The following RAP1GDS1 variants were observed in gnomAD, a reference collection of about 807,000 sequenced individuals.
RAP1GDS1 encodes the protein RAP1, GTP-GDP dissociation stimulator 1.
A neutral mutation model predicts 71.1 loss-of-function variants in RAP1GDS1; 35 were observed. The ratio of observed to expected loss-of-function variants is 0.49; its 90% confidence interval spans 0.38 to 0.65. RAP1GDS1 has a LOEUF of 0.65. Ranked by LOEUF, RAP1GDS1 falls within the 30% of genes least tolerant of loss-of-function variation. RAP1GDS1 has a pLI of 0.00. For synonymous variants in RAP1GDS1, 229 were observed against 243.1 expected (o/e 0.94, Z 0.54); for missense variants, 663 against 706.1 (o/e 0.94, Z 0.69).
Position 98,420,151 on chromosome 4 carries a change from GA to G in RAP1GDS1, c.1300+10del, listed in dbSNP as rs763924798. ...ATGTTAATAGATGCACAAGGTAAAAGAAATGTTTTCCCCAACTTGCATTTTT... is the reference window on the plus strand; with the variant it reads ...ATGTTAATAGATGCACAAGGTAAAAGAATGTTTTCCCCAACTTGCATTTTT... On this transcript the variant is annotated splice_region_variant and intron_variant, in intron 11 of 14. Coordinates refer to ENST00000408927, the MANE Select transcript of RAP1GDS1 (RefSeq NM_001100427.2). 1.3e-6 allele frequency: 2 copies of G among 1,506,556 alleles called. No homozygotes were observed. The highest frequency in any genetic ancestry group is 1.8e-6 in the Non-Finnish European group (2 of 1,123,618). 93.3% of individuals were successfully genotyped at this position (1,506,556 alleles called of 1,614,324 possible).
chr4:98,276,339 A>G (rs79147628), intron 1 of RAP1GDS1, among the ~76,000 whole-genome samples: 9,356 of 152,226 alleles, frequency 0.061, 401 homozygotes, highest in Non-Finnish European at 0.093. Context: ...TTCCATCTAT[A>G]ACAAGTACTC....
At chr4:98,310,873 T>G (rs1338726295) in intron 2 of RAP1GDS1, among the ~76,000 whole-genome samples, 1 of 152,240 alleles carries the variant, frequency 6.6e-6, no homozygotes, top group African/African-American at 2.4e-5. Context: ...TTTTTACCTT[T>G]TTAAATATTG....
At chr4:98,293,128 A>G (rs1727210409) in intron 1 of RAP1GDS1, among the ~76,000 whole-genome samples, 1 of 152,190 alleles carries the variant, frequency 6.6e-6, no homozygotes, top group Non-Finnish European at 1.5e-5. Context: ...CAAGCTCAAT[A>G]AGTTATAAGA....
chr4:98,313,361 A>G (rs1196501032), intron 2 of RAP1GDS1, among the ~76,000 whole-genome samples: 1 of 152,234 alleles, frequency 6.6e-6, no homozygotes, highest in African/African-American at 2.4e-5. Flanking sequence ...ACACCTTCAC[A>G]GACAGAGACA....
chr4:98,371,934 T>C (rs778756857), intron 4 of RAP1GDS1, among the ~76,000 whole-genome samples: 1 of 152,184 alleles, frequency 6.6e-6, no homozygotes, highest in Non-Finnish European at 1.5e-5. Flanking sequence ...TCTGACCATC[T>C]CTCCCTTTTA....
At chr4:98,414,023 A>C (rs932405446) in intron 7 of RAP1GDS1, among the ~76,000 whole-genome samples, 1 of 152,084 alleles carries the variant, frequency 6.6e-6, no homozygotes, top group Non-Finnish European at 1.5e-5. Flanking sequence ...TCTTCTTTTG[A>C]GAAGTGTGTG....
At chr4:98,365,623 A>C (rs757526678) in intron 4 of RAP1GDS1, among the ~76,000 whole-genome samples, 4 of 152,144 alleles carry the variant, frequency 2.6e-5, no homozygotes, top group Non-Finnish European at 5.9e-5. Context: ...ACCCTGTCTC[A>C]AAAAAATAAA....
At chr4:98,437,219 T>A in intron 14 of RAP1GDS1, 151 bp downstream of exon 14, 1 of 727,152 alleles carries the variant, frequency 1.4e-6, no homozygotes, top group Non-Finnish European at 2.0e-6. Context: ...CCTATTACTG[T>A]AAACACTCAT....
intron 5 of RAP1GDS1, among the ~76,000 whole-genome samples, chr4:98,391,633 A>ATGTT (rs1183997978): frequency 6.6e-6 from 1 of 152,204 alleles, no homozygotes; most frequent in South Asian, 2.1e-4. Context: ...ACTAATGGTA[A>ATGTT]TGTTTGTTTA....
chr4:98,433,829 TACAGG>T lies in RAP1GDS1; in HGVS notation c.1441-103_1441-99del, dbSNP rs534616169. ...AACTATGATTAAATCAAATGATTCA[TACAGG>T]ACACTGTCGCAAAACCACTCAACAA... On this transcript the variant is annotated intron_variant, in intron 12 of 14. Coordinates refer to ENST00000408927, the MANE Select transcript of RAP1GDS1 (RefSeq NM_001100427.2). 208 of 1,048,622 alleles carry T rather than the reference TACAGG, an allele frequency of 2.0e-4. 1 individual carries two copies. The South Asian group carries it at 3.5e-3, about 18-fold the overall frequency. The allele number at this position is 1,048,622 out of a possible 1,614,324, so 65.0% of individuals were successfully genotyped here.
Position 98,442,205 on chromosome 4 carries a change from C to T in RAP1GDS1, c.*88C>T. 1 of 1,509,058 alleles carries T rather than the reference C, an allele frequency of 6.6e-7. No homozygotes were observed. The highest frequency in any genetic ancestry group is 2.3e-5 in the East Asian group (1 of 44,038). 93.5% of individuals were successfully genotyped at this position (1,509,058 alleles called of 1,614,324 possible). A position where few individuals can be genotyped will look rare whatever the true frequency, so the allele number is the denominator to read the frequency against. The stretch of plus-strand genomic sequence containing the variant: ...TTCTTCCGCTTCATTCTCTACCATA[C>T]CACTTGTGCATGCATGTGATGTTCT... On this transcript the variant is annotated 3_prime_UTR_variant, in exon 15 of 15. Transcript: ENST00000408927.
intron 3 of RAP1GDS1, among the ~76,000 whole-genome samples, chr4:98,347,002 C>G (rs1404972236): frequency 6.6e-6 from 1 of 152,074 alleles, no homozygotes; most frequent in Non-Finnish European, 1.5e-5. Context: ...AGAGTTAATA[C>G]AGGGAAGTTA....
At chr4:98,373,052 T>G (rs563679449) in intron 4 of RAP1GDS1, among the ~76,000 whole-genome samples, 1 of 152,354 alleles carries the variant, frequency 6.6e-6, no homozygotes, top group African/African-American at 2.4e-5. Flanking sequence ...TTAACATACT[T>G]TTATCATTTT....
intron 2 of RAP1GDS1, among the ~76,000 whole-genome samples, chr4:98,335,021 G>A (rs1387086425): frequency 1.3e-5 from 2 of 151,664 alleles, no homozygotes; most frequent in African/African-American, 4.8e-5. Context: ...AATAATGACT[G>A]TTTGAGCTCT....
chr4:98,377,509 A>G (rs1038052140), intron 4 of RAP1GDS1, among the ~76,000 whole-genome samples: 1 of 151,852 alleles, frequency 6.6e-6, no homozygotes, highest in South Asian at 2.1e-4. Flanking sequence ...CCTGTTTTCC[A>G]TCTTTATAAC....
intron 2 of RAP1GDS1, among the ~76,000 whole-genome samples, chr4:98,336,662 C>T (rs1021465261): frequency 5.3e-5 from 8 of 151,846 alleles, no homozygotes; most frequent in African/African-American, 1.5e-4. Context: ...ATTTAAGATC[C>T]TCAATCAGTT....
At chr4:98,436,293 T>C (rs1751129934) in intron 13 of RAP1GDS1, among the ~76,000 whole-genome samples, 1 of 152,164 alleles carries the variant, frequency 6.6e-6, no homozygotes, top group South Asian at 2.1e-4. Context: ...CATAAGTGCC[T>C]ATGTTGCCAC....
At chr4:98,386,272 A>C (rs949099648) in intron 5 of RAP1GDS1, among the ~76,000 whole-genome samples, 2 of 151,898 alleles carry the variant, frequency 1.3e-5, no homozygotes, top group Admixed American at 6.6e-5. Flanking sequence ...CATTATATTG[A>C]GAACAGTAAA....
At chr4:98,404,331 G>T in intron 6 of RAP1GDS1, 146 bp from the exon 7 acceptor site, 1 of 723,040 alleles carries the variant, frequency 1.4e-6, no homozygotes, top group East Asian at 3.7e-5. Context: ...TTCCTTTTCA[G>T]GGACATTAAA....
Sources: gnomAD v4.1 joint callset for allele counts (sites outside exome capture counted in the v4.1 genomes callset) on GRCh38, gnomAD v4.1.1 for gene constraint, MANE v1.5 for transcripts, NCBI Gene and HGNC (gene_info 2026-07-23, HGNC 2026-07-21) for gene names.